GALR1: variants seen among roughly 807,000 people sequenced by gnomAD.
GALR1 encodes galanin receptor 1.
A neutral mutation model predicts 17.9 loss-of-function variants in GALR1; 11 were observed. The observed-to-expected ratio is 0.62, with a 90% CI of 0.39 to 1.02. The LOEUF (loss-of-function observed/expected upper bound fraction) is 1.02, where lower values mean the gene tolerates loss of function less well. Among genes scored for constraint, GALR1 ranks in the 50% least tolerant of loss-of-function variants. The pLI is 0.01. For missense variants in GALR1, 441 were observed against 456.9 expected, an observed-to-expected ratio of 0.97 and a Z score of 0.32; for synonymous variants, 206 against 205.7, an observed-to-expected ratio of 1.00 and a Z score of -0.01.
Position 77,251,035 on chromosome 18 carries a change from T to C in GALR1, c.487T>C (p.Ser163Pro), listed in dbSNP as rs1369971030. 17 of 1,606,160 alleles carry C rather than the reference T, an allele frequency of 1.1e-5. No individual in the cohort carries two copies. Among genetic ancestry groups the C allele is most frequent in the Non-Finnish European group, 1.4e-5 (16 of 1,179,840 alleles). Residue 163 changes from serine (S) to proline (P), a missense_variant, in exon 1 of 3, where the codon TCC becomes CCC. Physicochemically the swap from Ser to Pro is moderately conservative, Grantham distance 74. Coordinates refer to ENST00000299727, the MANE Select transcript of GALR1 (RefSeq NM_001480.4). ...GGGCGTGGGCTGCATCTGGGCGCTG[T>C]CCATTGCCATGGCCTCGCCCGTGGC... ...LLGVGCIWAL[S>P]IAMASPVAYH... is the part of the protein sequence containing the mutation.
intron 2 of GALR1, among the ~76,000 whole-genome samples, chr18:77,258,632 G>GGTGGTGGTGATGGTGGTGGGTA (rs1338840446): frequency 6.7e-6 from 1 of 150,128 alleles, no homozygotes; most frequent in Non-Finnish European, 1.5e-5. Context: ...TGGTGATGGT[G>GGTGGTGGTGATGGTGGTGGGTA]GTGATGGTGG....
rs962697436 is a variant in GALR1, at chr18:77,274,581, A to G, written c.*5679A>G. On this transcript the variant is annotated 3_prime_UTR_variant, in exon 3 of 3. Transcript: ENST00000299727. ...TTTCTGATTGGTTCTTAGAGCCTGC[A>G]TCTTGTACCACTGGGACTTCTGGAG... is the stretch of plus-strand genomic sequence containing the variant. 6.6e-6 allele frequency: 1 copy of G among 152,206 alleles called. No individual in the cohort carries two copies. Among genetic ancestry groups the G allele is most frequent in the African/African-American group, 2.4e-5 (1 of 41,434 alleles). 9.4% of individuals were successfully genotyped at this position (152,206 alleles called of 1,614,324 possible). A position where few individuals can be genotyped will look rare whatever the true frequency, so the allele number is the denominator to read the frequency against.
intron 2 of GALR1, among the ~76,000 whole-genome samples, chr18:77,260,723 C>T (rs1205274471): frequency 5.9e-5 from 9 of 152,186 alleles, no homozygotes; most frequent in Non-Finnish European, 4.4e-5. Flanking sequence ...ATTTCTACTG[C>T]AGGAATAAAG....
intron 2 of GALR1, among the ~76,000 whole-genome samples, chr18:77,264,692 G>T (rs1354449313): frequency 2.0e-5 from 3 of 152,148 alleles, no homozygotes; most frequent in Admixed American, 1.3e-4. Context: ...CCACAGGGCT[G>T]GGGAGGCCTC....
intron 2 of GALR1, among the ~76,000 whole-genome samples, chr18:77,259,467 GAT>G (rs1912772184): frequency 7.2e-6 from 1 of 139,456 alleles, no homozygotes; most frequent in African/African-American, 2.6e-5. Flanking sequence ...TGATGGTGGT[GAT>G]GGTGGCGATT....
At chr18:77,260,485 T>G (rs914773782) in intron 2 of GALR1, among the ~76,000 whole-genome samples, 7 of 152,348 alleles carry the variant, frequency 4.6e-5, no homozygotes, top group Middle Eastern at 3.4e-3. Flanking sequence ...CATGACCTAA[T>G]TACCATCCAA....
intron 2 of GALR1, among the ~76,000 whole-genome samples, chr18:77,264,697 G>A (rs757770975): frequency 1.3e-5 from 2 of 152,142 alleles, no homozygotes; most frequent in Non-Finnish European, 2.9e-5. Context: ...GGGCTGGGGA[G>A]GCCTCAGGAA....
chr18:77,258,875 ATGATGGTGGTCATAGTGG>A (rs1912706081), intron 2 of GALR1, among the ~76,000 whole-genome samples: 1 of 86,738 alleles, frequency 1.2e-5, no homozygotes, highest in African/African-American at 4.7e-5. Flanking sequence ...GATGGTGGTG[ATGATGGTGGTCATAGTGG>A]TGATGGTGGT....
At chr18:77,259,167 T>C (rs1240016405) in intron 2 of GALR1, among the ~76,000 whole-genome samples, 51 of 4,698 alleles carry the variant, frequency 0.011, 20 homozygotes, top group East Asian at 0.2. Flanking sequence ...GTGATGATGG[T>C]GGTGATGATG....
chr18:77,251,221 G>A lies in GALR1; in HGVS notation c.666+7G>A, dbSNP rs370966918. Reference sequence around the variant, plus strand: ...CTGCTTCTGCTATGCCAAGGTGCACGCCGGTCGCGGGGCCGAGACGCGCGA... The same window carrying A: ...CTGCTTCTGCTATGCCAAGGTGCACACCGGTCGCGGGGCCGAGACGCGCGA... On this transcript the variant is annotated splice_region_variant and intron_variant, in intron 1 of 2. Transcript: ENST00000299727. The A allele has an allele frequency of 4.4e-6, 7 of 1,589,164 alleles. No homozygotes were observed. The highest frequency in any genetic ancestry group is 5.2e-6 in the Non-Finnish European group (6 of 1,161,656).
At chr18:77,258,644 G>GAT (rs1912668287) in intron 2 of GALR1, among the ~76,000 whole-genome samples, 1 of 148,018 alleles carries the variant, frequency 6.8e-6, no homozygotes. Context: ...TGATGGTGGT[G>GAT]GTGGTCATAG....
Position 77,250,821 on chromosome 18 carries a change from C to T in GALR1, c.273C>T (p.Phe91=). 6.2e-7 allele frequency: 1 copy of T among 1,613,844 alleles called. No homozygotes were observed. The highest frequency in any genetic ancestry group is 1.1e-5 in the South Asian group (1 of 91,088). ...DLAYLLFCIP[F]QATVYALPTW... ...CCTACCTGCTCTTCTGCATCCCCTT[C>T]CAGGCCACCGTGTACGCGCTGCCCA... The change falls in exon 1 of 3, where the codon TTC becomes TTT. Residue 91 remains phenylalanine, a synonymous_variant. Transcript: ENST00000299727.
rs1204014586 is a variant in GALR1 at position 77,275,752 on chromosome 18, GT to G, written c.*6856del. The G allele has an allele frequency of 1.3e-5, 2 of 152,138 alleles. No homozygotes were observed. The highest frequency in any genetic ancestry group is 2.9e-5 in the Non-Finnish European group (2 of 68,026). 9.4% of individuals were successfully genotyped at this position (152,138 alleles called of 1,614,324 possible). On this transcript the variant is annotated 3_prime_UTR_variant, in exon 3 of 3. Transcript: ENST00000299727. ...ATCACCTAGCTTTGACGATGAGAGTGTTTTTTAAAACGGAAACCATGTCATT... is the reference window on the plus strand; with the variant it reads ...ATCACCTAGCTTTGACGATGAGAGTGTTTTTAAAACGGAAACCATGTCATT...
At chr18:77,253,562 T>G (rs532198457) in intron 1 of GALR1, among the ~76,000 whole-genome samples, 7 of 152,314 alleles carry the variant, frequency 4.6e-5, no homozygotes, top group East Asian at 1.9e-4. Flanking sequence ...CAGCATAATA[T>G]TCATAATATT....
At position 77,269,983 on chromosome 18, in the gene GALR1, G is replaced by A. The variant is rs1913028778; in HGVS notation, c.*1081G>A. On this transcript the variant is annotated 3_prime_UTR_variant, in exon 3 of 3. Coordinates refer to ENST00000299727, the MANE Select transcript of GALR1 (RefSeq NM_001480.4). The stretch of plus-strand genomic sequence containing the variant: ...CATTAAATTTGTAATGATGTTTAAT[G>A]AACATTTCCACCAAACATTATTTCC... 1 of 152,136 alleles carries A rather than the reference G, an allele frequency of 6.6e-6. No homozygotes were observed. The highest frequency in any genetic ancestry group is 1.5e-5 in the Non-Finnish European group (1 of 68,022). The allele number at this position is 152,136 out of a possible 1,614,324, so 9.4% of individuals were successfully genotyped here. A position where few individuals can be genotyped will look rare whatever the true frequency, so the allele number is the denominator to read the frequency against.
chr18:77,258,703 T>TGTGGTGGTGGTG, intron 2 of GALR1, among the ~76,000 whole-genome samples: 1 of 8,632 alleles, frequency 1.2e-4, no homozygotes, highest in African/African-American at 2.7e-4. Flanking sequence ...GTGGTGGTCA[T>TGTGGTGGTGGTG]GTGATGGTGG....
rs544078086 is a variant in GALR1 at position 77,273,755 on chromosome 18, G to T, written c.*4853G>T. 6.6e-6 allele frequency: 1 copy of T among 152,228 alleles called. No homozygotes were observed. The highest frequency in any genetic ancestry group is 2.1e-4 in the South Asian group (1 of 4,826). The allele number at this position is 152,228 out of a possible 1,614,324, so 9.4% of individuals were successfully genotyped here. On this transcript the variant is annotated 3_prime_UTR_variant, in exon 3 of 3. Coordinates refer to ENST00000299727, the MANE Select transcript of GALR1 (RefSeq NM_001480.4). The stretch of plus-strand genomic sequence containing the variant: ...AATCTTTTCAATGTTGGCTCCATTT[G>T]CCATACTCAGACAATTGCTTGAAGA...
chr18:77,258,930 ATGG>A (rs1245344194), intron 2 of GALR1, among the ~76,000 whole-genome samples: 2 of 131,202 alleles, frequency 1.5e-5, no homozygotes, highest in Non-Finnish European at 3.2e-5. Context: ...GATGATGGTC[ATGG>A]TGGTGATGAT....
At position 77,269,996 on chromosome 18, in the gene GALR1, A is replaced by G. The variant is rs1568145188; in HGVS notation, c.*1094A>G. On this transcript the variant is annotated 3_prime_UTR_variant, in exon 3 of 3. Coordinates refer to ENST00000299727, the MANE Select transcript of GALR1 (RefSeq NM_001480.4). ...ATGATGTTTAATGAACATTTCCACC[A>G]AACATTATTTCCTCTAAAAATGTTA... 1 of 152,230 alleles carries G rather than the reference A, an allele frequency of 6.6e-6. No individual in the cohort carries two copies. Among genetic ancestry groups the G allele is most frequent in the Non-Finnish European group, 1.5e-5 (1 of 68,046 alleles). The allele number at this position is 152,230 out of a possible 1,614,324, so 9.4% of individuals were successfully genotyped here. A position where few individuals can be genotyped will look rare whatever the true frequency, so the allele number is the denominator to read the frequency against.
Sources: gnomAD v4.1 joint callset for allele counts (sites outside exome capture counted in the v4.1 genomes callset) on GRCh38, gnomAD v4.1.1 for gene constraint, MANE v1.5 for transcripts, NCBI Gene and HGNC (gene_info 2026-07-23, HGNC 2026-07-21) for gene names.